Variants in KAT5 observed in about 807,000 individuals in gnomAD.
KAT5 encodes the protein histone acetyltransferase KAT5.
KAT5 carries 31 observed loss-of-function variants against 68.1 expected under a neutral mutation model. That is an observed-to-expected ratio of 0.46 (90% confidence interval 0.34 to 0.61). The LOEUF (loss-of-function observed/expected upper bound fraction) is 0.61, where lower values mean the gene tolerates loss of function less well. KAT5 is among the 20% of genes least tolerant of loss of function. KAT5 has a pLI of 0.01. For synonymous variants in KAT5, 365 were observed against 292.6 expected (o/e 1.25, Z -2.52); for missense variants, 451 against 725.5 (o/e 0.62, Z 4.35).
chr11:65,719,202 T>C lies in KAT5; in HGVS notation c.*21T>C. On this transcript the variant is annotated 3_prime_UTR_variant, in exon 13 of 13. Coordinates refer to ENST00000341318, the MANE Select transcript of KAT5 (RefSeq NM_182710.3). ...GGTGACCAGACACTGCCCACTGCAG[T>C]GCCAAGACGGCAGCAGGACTGGGGC... 6.2e-7 allele frequency: 1 copy of C among 1,611,570 alleles called. No individual in the cohort carries two copies. The highest frequency in any genetic ancestry group is 8.5e-7 in the Non-Finnish European group (1 of 1,179,094).
At chr11:65,715,253 C>T in intron 8 of KAT5, 1 of 338,538 alleles carries the variant, frequency 3.0e-6, no homozygotes, top group Non-Finnish European at 5.8e-6. Context: ...GGATTTCTTG[C>T]AGTGGTGTTC....
intron 8 of KAT5, among the ~76,000 whole-genome samples, chr11:65,715,617 T>C (rs796599335): frequency 2.0e-5 from 3 of 151,842 alleles, no homozygotes; most frequent in African/African-American, 7.2e-5. Context: ...AAAAATTAGC[T>C]GGGCGTGGTG....
Position 65,718,906 on chromosome 11 carries a change from G to A in KAT5, c.1458G>A (p.Glu486=). ...EISEITSIKK[E]DVISTLQYLN... The stretch of plus-strand genomic sequence containing the variant: ...GTGAAATCACCAGCATCAAGAAGGA[G>A]GATGTCATCTCCACTCTGCAGTACC... The change falls in exon 12 of 13, where the codon GAG becomes GAA. Residue 486 remains glutamate (E), a synonymous_variant. Coordinates refer to ENST00000341318, the MANE Select transcript of KAT5 (RefSeq NM_182710.3). 6.2e-7 allele frequency: 1 copy of A among 1,614,190 alleles called. No homozygotes were observed. Among genetic ancestry groups the A allele is most frequent in the Non-Finnish European group, 8.5e-7 (1 of 1,180,038 alleles).
rs1216166461 is a variant in KAT5 at position 65,714,653 on chromosome 11, C to T, written c.849C>T (p.Tyr283=). The T allele has an allele frequency of 6.2e-7, 1 of 1,614,104 alleles. No homozygotes were observed. The highest frequency in any genetic ancestry group is 8.5e-7 in the Non-Finnish European group (1 of 1,180,052). ...HRLKPWYFSP[Y]PQELTTLPVL... Reference sequence around the variant, plus strand: ...TCAAGCCGTGGTACTTCTCCCCGTACCCACAGGAACTCACCACATTGCCTG... The same window carrying T: ...TCAAGCCGTGGTACTTCTCCCCGTATCCACAGGAACTCACCACATTGCCTG... The change falls in exon 7 of 13, where the codon TAC becomes TAT. Residue 283 remains tyrosine, a synonymous_variant. Transcript: ENST00000341318.
chr11:65,718,922 C>T lies in KAT5; in HGVS notation c.1474C>T (p.Leu492=), dbSNP rs1295881956. The T allele has an allele frequency of 3.1e-6, 5 of 1,614,180 alleles. No homozygotes were observed. Among genetic ancestry groups the T allele is most frequent in the Non-Finnish European group, 4.2e-6 (5 of 1,180,020 alleles). ...SIKKEDVIST[L]QYLNLINYYK... ...CAAGAAGGAGGATGTCATCTCCACT[C>T]TGCAGTACCTCAATCTCATCAACTA... is the stretch of plus-strand genomic sequence containing the variant. Residue 492 remains leucine (L), a synonymous_variant, in exon 12 of 13, where the codon CTG becomes TTG. Transcript: ENST00000341318.
intron 10 of KAT5, chr11:65,718,030 AGT>A (rs1415916342): frequency 6.5e-6 from 1 of 153,608 alleles, no homozygotes; most frequent in Non-Finnish European, 1.4e-5. Context: ...GGTGGGGGTC[AGT>A]CACGTGGCTC....
At chr11:65,715,616 C>G (rs1356936684) in intron 8 of KAT5, among the ~76,000 whole-genome samples, 1 of 151,946 alleles carries the variant, frequency 6.6e-6, no homozygotes, top group Non-Finnish European at 1.5e-5. Flanking sequence ...AAAAAATTAG[C>G]TGGGCGTGGT....
chr11:65,719,019 A>G, intron 12 of KAT5, 28 bp from the exon 13 acceptor site: 1 of 1,613,996 alleles, frequency 6.2e-7, no homozygotes, highest in Non-Finnish European at 8.5e-7. Flanking sequence ...TGGGCTGACC[A>G]CCTGCTGAAC....
At chr11:65,716,637 CAG>C in intron 8 of KAT5, 28 bp from the exon 9 acceptor site, 1 of 1,608,502 alleles carries the variant, frequency 6.2e-7, no homozygotes, top group Non-Finnish European at 8.5e-7. Flanking sequence ...GCGGGATACC[CAG>C]AGTGGTGACA....
intron 8 of KAT5, among the ~76,000 whole-genome samples, chr11:65,715,729 C>A (rs553948178): frequency 1.3e-5 from 2 of 151,324 alleles, no homozygotes; most frequent in Non-Finnish European, 2.9e-5. Flanking sequence ...CCACTGCATT[C>A]CAGCCTGGGA....
At chr11:65,715,271 T>A (rs536968849) in intron 8 of KAT5, 2 of 295,574 alleles carry the variant, frequency 6.8e-6, no homozygotes, top group African/African-American at 4.3e-5. Flanking sequence ...TTCTGAAGAG[T>A]AGGCATGGAT....
intron 8 of KAT5, chr11:65,716,302 C>G (rs754103468): frequency 3.1e-5 from 7 of 222,242 alleles, no homozygotes; most frequent in African/African-American, 4.5e-5. Flanking sequence ...TTTGAGGAGC[C>G]GTGGTCAGAG....
At chr11:65,716,526 G>A in intron 8 of KAT5, 141 bp from the exon 9 acceptor site, 1 of 772,812 alleles carries the variant, frequency 1.3e-6, no homozygotes, top group Non-Finnish European at 2.1e-6. Context: ...GGTGGAGTGG[G>A]TCAGGCCCAG....
At chr11:65,712,235 G>C, upstream of KAT5, 1 of 1,400,032 alleles carries the variant, frequency 7.1e-7, no homozygotes, top group Non-Finnish European at 9.3e-7. Flanking sequence ...ACGTCTCCCA[G>C]AGGGGCCGGA....
In KAT5 at chr11:65,719,067, G is replaced by A; in HGVS notation, c.1527G>A (p.Leu509=). ...CCCAGGGCCAGTACATCCTCACACT[G>A]TCAGAGGACATCGTGGATGGCCATG... ...NYYKGQYILT[L]SEDIVDGHER... is the part of the protein sequence containing the mutation. The change falls in exon 13 of 13, where the codon CTG becomes CTA. Residue 509 remains leucine (L), a synonymous_variant. Coordinates refer to ENST00000341318, the MANE Select transcript of KAT5 (RefSeq NM_182710.3). 2.5e-6 allele frequency: 4 copies of A among 1,614,182 alleles called. No homozygotes were observed. Among genetic ancestry groups the A allele is most frequent in the Non-Finnish European group, 3.4e-6 (4 of 1,180,022 alleles).
At chr11:65,712,720 T>G (rs1048625075) in intron 1 of KAT5, 46 bp from the exon 2 acceptor site, 1 of 1,605,086 alleles carries the variant, frequency 6.2e-7, no homozygotes, top group East Asian at 2.2e-5. Flanking sequence ...GGGTGGAGTC[T>G]CATAGCCTGG....
chr11:65,716,953 G>A lies in KAT5; in HGVS notation c.1235G>A (p.Arg412Gln). Residue 412 changes from arginine to glutamine, a missense_variant, in exon 10 of 13, where the codon CGG (arginine) becomes CAG (glutamine). Arg to Gln is a conservative substitution (Grantham distance 43). Transcript: ENST00000341318. ...CILTLPPYQR[R>Q]GYGKLLIEFS... Reference sequence around the variant, plus strand: ...CTAACCCTGCCTCCCTACCAGCGCCGGGGCTACGGCAAGCTGCTGATCGAG... The same window carrying A: ...CTAACCCTGCCTCCCTACCAGCGCCAGGGCTACGGCAAGCTGCTGATCGAG... 1 of 1,614,102 alleles carries A rather than the reference G, an allele frequency of 6.2e-7. No individual in the cohort carries two copies. The highest frequency in any genetic ancestry group is 8.5e-7 in the Non-Finnish European group (1 of 1,179,954).
At chr11:65,718,844 C>T in intron 11 of KAT5, 29 bp from the exon 12 acceptor site, 2 of 1,613,848 alleles carry the variant, frequency 1.2e-6, no homozygotes, top group Non-Finnish European at 8.5e-7. Flanking sequence ...TAAAGGTCCT[C>T]AGGGAACCTG....
chr11:65,712,729 G>A (rs1244294203), intron 1 of KAT5, 37 bp from the exon 2 acceptor site: 1 of 1,610,426 alleles, frequency 6.2e-7, no homozygotes, highest in African/African-American at 1.3e-5. Context: ...CTCATAGCCT[G>A]GCCTGTCTAA....
Sources: gnomAD v4.1 joint callset for allele counts (sites outside exome capture counted in the v4.1 genomes callset) on GRCh38, gnomAD v4.1.1 for gene constraint, MANE v1.5 for transcripts, NCBI Gene and HGNC (gene_info 2026-07-23, HGNC 2026-07-21) for gene names.